Variants in SNX7 observed in about 807,000 individuals in gnomAD.
SNX7 encodes the protein sorting nexin 7.
Under a neutral mutation model 48.4 loss-of-function variants are expected in SNX7, and 35 were observed. The ratio of observed to expected loss-of-function variants is 0.72; its 90% confidence interval spans 0.55 to 0.96. The LOEUF (loss-of-function observed/expected upper bound fraction) is 0.96. SNX7 is among the 40% of genes least tolerant of loss of function. SNX7 has a pLI of 0.00. For synonymous variants in SNX7, 190 were observed against 190.2 expected, an observed-to-expected ratio of 1.00 and a Z score of 0.01; for missense variants, 553 against 548.9, an observed-to-expected ratio of 1.01 and a Z score of -0.07.
At chr1:98,758,402 CTATTT>C (rs1167077855) in intron 8 of SNX7, among the ~76,000 whole-genome samples, 5 of 151,920 alleles carry the variant, frequency 3.3e-5, no homozygotes, top group African/African-American at 7.3e-5. Flanking sequence ...CCTCCTCTTC[CTATTT>C]TATTTTGTTA....
intron 1 of SNX7, among the ~76,000 whole-genome samples, chr1:98,677,977 CTGTGTGTGTGTGCGTG>C (rs1650263746): frequency 7.0e-6 from 1 of 142,912 alleles, no homozygotes; most frequent in African/African-American, 2.7e-5. Context: ...CTGTATGAGT[CTGTGTGTGTGTGCGTG>C]TGTGTGTGTG....
intron 8 of SNX7, among the ~76,000 whole-genome samples, chr1:98,747,362 T>C (rs1032931721): frequency 1.3e-5 from 2 of 152,142 alleles, no homozygotes; most frequent in African/African-American, 4.8e-5. Context: ...TTGAAAGTAA[T>C]CAGTTGGAAT....
chr1:98,714,493 TA>T (rs1454320039), intron 7 of SNX7, among the ~76,000 whole-genome samples: 1 of 111,300 alleles, frequency 9.0e-6, no homozygotes, highest in Admixed American at 8.6e-5. Flanking sequence ...ATGAATATGA[TA>T]ATTTTAGACT....
At chr1:98,707,982 C>G (rs973041653) in intron 7 of SNX7, among the ~76,000 whole-genome samples, 6 of 152,204 alleles carry the variant, frequency 3.9e-5, no homozygotes, top group African/African-American at 1.4e-4. Context: ...ATTGCCTTCT[C>G]TCTCTAATTC....
At chr1:98,752,541 G>A (rs529381624) in intron 8 of SNX7, among the ~76,000 whole-genome samples, 5 of 151,986 alleles carry the variant, frequency 3.3e-5, no homozygotes, top group South Asian at 4.2e-4. Flanking sequence ...AATGGGGATC[G>A]GGCTCTTAGG....
chr1:98,729,420 T>G (rs1215273999), intron 7 of SNX7, among the ~76,000 whole-genome samples: 1 of 149,674 alleles, frequency 6.7e-6, no homozygotes, highest in African/African-American at 2.5e-5. Context: ...AAACAAGAAA[T>G]AGCCAAGATC....
intron 1 of SNX7, among the ~76,000 whole-genome samples, chr1:98,681,171 A>C (rs1304525656): frequency 6.6e-6 from 1 of 152,190 alleles, no homozygotes; most frequent in African/African-American, 2.4e-5. Context: ...TTGTGAAGGG[A>C]AACTCCCATT....
At chr1:98,668,899 TAC>T (rs919401761) in intron 1 of SNX7, among the ~76,000 whole-genome samples, 17 of 152,204 alleles carry the variant, frequency 1.1e-4, no homozygotes, top group African/African-American at 4.1e-4. Flanking sequence ...AATGTTCTGG[TAC>T]AAGCTGGATG....
At chr1:98,732,734 A>G (rs1253529180) in intron 7 of SNX7, among the ~76,000 whole-genome samples, 1 of 152,140 alleles carries the variant, frequency 6.6e-6, no homozygotes, top group Non-Finnish European at 1.5e-5. Context: ...AAATAAAAAC[A>G]GATTTATATA....
chr1:98,680,394 C>A (rs1478781731), intron 1 of SNX7, among the ~76,000 whole-genome samples: 2 of 152,160 alleles, frequency 1.3e-5, no homozygotes, highest in African/African-American at 2.4e-5. Flanking sequence ...CTCTGGCATG[C>A]CCTGGAGAGA....
At chr1:98,748,686 C>G (rs1199159250) in intron 8 of SNX7, among the ~76,000 whole-genome samples, 1 of 145,126 alleles carries the variant, frequency 6.9e-6, no homozygotes, top group Non-Finnish European at 1.5e-5. Flanking sequence ...CATTTTATCA[C>G]AAATAAGAAA....
At chr1:98,678,896 A>G (rs1220800852) in intron 1 of SNX7, among the ~76,000 whole-genome samples, 3 of 152,216 alleles carry the variant, frequency 2.0e-5, no homozygotes, top group Non-Finnish European at 4.4e-5. Context: ...AGCAGTATAC[A>G]TATATACACT....
chr1:98,696,647 CT>C (rs995189857), intron 5 of SNX7, among the ~76,000 whole-genome samples: 2 of 151,964 alleles, frequency 1.3e-5, no homozygotes, highest in Admixed American at 6.5e-5. Context: ...GCATTGACCC[CT>C]GATGAGATTA....
chr1:98,723,361 C>T (rs1176267949), intron 7 of SNX7, among the ~76,000 whole-genome samples: 5 of 151,548 alleles, frequency 3.3e-5, no homozygotes, highest in African/African-American at 4.8e-5. Context: ...TTTTTTTCCC[C>T]AAAAAGGCTG....
At position 98,661,776 on chromosome 1, in the gene SNX7, C is replaced by T. The variant is rs1024877293; in HGVS notation, c.45C>T (p.Leu15=). 2 of 1,242,366 alleles carry T rather than the reference C, an allele frequency of 1.6e-6. No individual in the cohort carries two copies. Among genetic ancestry groups the T allele is most frequent in the Admixed American group, 8.5e-5 (2 of 23,598 alleles). The allele number at this position is 1,242,366 out of a possible 1,614,324, so 77.0% of individuals were successfully genotyped here. A position where few individuals can be genotyped will look rare whatever the true frequency, so the allele number is the denominator to read the frequency against. Residue 15 remains leucine (L), a synonymous_variant, in exon 1 of 9, where the codon CTC becomes CTT. Transcript: ENST00000306121. ...RRASQAPSSG[L]PAGGANGESP... ...CATCGCAGGCGCCCTCCTCGGGCCTCCCGGCCGGGGGCGCCAACGGGGAGA... is the reference window on the plus strand; with the variant it reads ...CATCGCAGGCGCCCTCCTCGGGCCTTCCGGCCGGGGGCGCCAACGGGGAGA...
intron 1 of SNX7, among the ~76,000 whole-genome samples, chr1:98,683,088 G>A (rs1650589917): frequency 6.6e-6 from 1 of 152,054 alleles, no homozygotes; most frequent in Admixed American, 6.6e-5. Flanking sequence ...TTCATTCATG[G>A]ATTTAATATT....
At chr1:98,662,777 T>G in intron 1 of SNX7, 1 of 1,289,380 alleles carries the variant, frequency 7.8e-7, no homozygotes, top group Middle Eastern at 2.1e-4. Context: ...TATTCATTAC[T>G]AAGAAGCCTG....
intron 1 of SNX7, among the ~76,000 whole-genome samples, chr1:98,670,822 G>A (rs983589004): frequency 1.3e-5 from 2 of 152,018 alleles, no homozygotes; most frequent in Admixed American, 1.3e-4. Flanking sequence ...AAAATTATGA[G>A]GACCTATAGG....
At chr1:98,731,440 C>T (rs766211847) in intron 7 of SNX7, among the ~76,000 whole-genome samples, 26 of 152,108 alleles carry the variant, frequency 1.7e-4, no homozygotes, top group Non-Finnish European at 7.4e-5. Flanking sequence ...AGAATTCCCT[C>T]ATGTTGCCGT....
Sources: allele counts gnomAD v4.1 joint callset (sites outside exome capture counted in the v4.1 genomes callset), GRCh38; gene constraint gnomAD v4.1.1; transcripts MANE v1.5; gene names NCBI Gene and HGNC (gene_info 2026-07-23, HGNC 2026-07-21).